Variants in CHST9 observed in about 807,000 individuals in gnomAD.
CHST9 encodes carbohydrate sulfotransferase 9, also known as GalNAc-4-sulfotransferase 2.
CHST9 carries 41 observed loss-of-function variants against 44.4 expected under a neutral mutation model. The ratio of observed to expected loss-of-function variants is 0.92; its 90% CI spans 0.72 to 1.20. The LOEUF (loss-of-function observed/expected upper bound fraction) is 1.20. CHST9 is among the 50% of genes most tolerant of loss of function. The pLI is 0.00. For synonymous variants in CHST9, 171 were observed against 178.4 expected, an observed-to-expected ratio of 0.96 and a Z score of 0.33; for missense variants, 504 against 516.5, an observed-to-expected ratio of 0.98 and a Z score of 0.23.
Position 26,909,772 on chromosome 18 carries a change from GAGGAGT to G in CHST9, c.*6481_*6486del. 1 of 152,526 alleles carries G rather than the reference GAGGAGT, an allele frequency of 6.6e-6. No homozygotes were observed. Among genetic ancestry groups the G allele is most frequent in the East Asian group, 1.9e-4 (1 of 5,188 alleles). 9.4% of individuals were successfully genotyped at this position (152,526 alleles called of 1,614,324 possible). ...AGTATAGAAGTGGGGGGAGGAGTAGGAGGAGTAGGAGGAGGAGGAGGAAGAGGAGGG... is the reference window on the plus strand; with the variant it reads ...AGTATAGAAGTGGGGGGAGGAGTAGGAGGAGGAGGAGGAGGAAGAGGAGGG... On this transcript the variant is annotated 3_prime_UTR_variant, in exon 6 of 6. Coordinates refer to ENST00000618847, the MANE Select transcript of CHST9 (RefSeq NM_031422.6).
intron 4 of CHST9, among the ~76,000 whole-genome samples, chr18:26,965,237 C>T (rs374443348): frequency 6.6e-5 from 10 of 152,106 alleles, no homozygotes; most frequent in African/African-American, 7.2e-5. Flanking sequence ...CTGCACTGTG[C>T]GGCCTGCAAT....
chr18:27,029,440 G>C (rs2057317731), intron 3 of CHST9, among the ~76,000 whole-genome samples: 1 of 152,052 alleles, frequency 6.6e-6, no homozygotes. Flanking sequence ...TGGTCCCATG[G>C]GGAACCAAGG....
intron 2 of CHST9, among the ~76,000 whole-genome samples, chr18:27,068,040 A>C (rs2057800119): frequency 6.6e-6 from 1 of 152,104 alleles, no homozygotes; most frequent in South Asian, 2.1e-4. Context: ...TTGCAAACCT[A>C]ACCATGCCCC....
At chr18:27,158,464 A>G (rs1479148132) in intron 1 of CHST9, among the ~76,000 whole-genome samples, 6 of 150,812 alleles carry the variant, frequency 4.0e-5, no homozygotes, top group Non-Finnish European at 8.9e-5. Context: ...ATAGTATTCC[A>G]TGGTGTATAT....
At chr18:27,088,861 C>G (rs1273539687) in intron 2 of CHST9, among the ~76,000 whole-genome samples, 3 of 152,148 alleles carry the variant, frequency 2.0e-5, no homozygotes, top group Admixed American at 6.5e-5. Flanking sequence ...TACCAGGGAC[C>G]TGGTTTAGAA....
intron 3 of CHST9, among the ~76,000 whole-genome samples, chr18:27,036,613 A>G (rs2057392755): frequency 1.3e-5 from 2 of 152,226 alleles, no homozygotes; most frequent in African/African-American, 4.8e-5. Context: ...AGCAACATCA[A>G]AACTTCCTAC....
intron 4 of CHST9, among the ~76,000 whole-genome samples, chr18:26,985,464 C>A (rs574899379): frequency 2.0e-5 from 3 of 152,280 alleles, no homozygotes; most frequent in African/African-American, 7.2e-5. Context: ...ACAAGCAAGG[C>A]AAGCCATGTG....
chr18:27,152,370 T>C (rs1261995204), intron 1 of CHST9, among the ~76,000 whole-genome samples: 2 of 151,946 alleles, frequency 1.3e-5, no homozygotes, highest in Admixed American at 6.6e-5. Flanking sequence ...GCAACAATAG[T>C]CTATCTTTAG....
chr18:27,062,153 T>G (rs918507108), intron 2 of CHST9, among the ~76,000 whole-genome samples: 1 of 152,154 alleles, frequency 6.6e-6, no homozygotes, highest in Non-Finnish European at 1.5e-5. Context: ...TACTGTTGTT[T>G]GGTCAATTCT....
At chr18:26,923,884 G>T (rs1362609504) in intron 5 of CHST9, among the ~76,000 whole-genome samples, 2 of 152,184 alleles carry the variant, frequency 1.3e-5, no homozygotes, top group South Asian at 2.1e-4. Context: ...CCTGAGATGA[G>T]CCTGGGAAGA....
At chr18:27,047,674 T>C (rs1405632588) in intron 3 of CHST9, among the ~76,000 whole-genome samples, 1 of 151,964 alleles carries the variant, frequency 6.6e-6, no homozygotes, top group Non-Finnish European at 1.5e-5. Context: ...AAGAAGCTAG[T>C]GGATGGGAGT....
intron 2 of CHST9, among the ~76,000 whole-genome samples, chr18:27,060,274 G>A (rs2057706115): frequency 6.6e-6 from 1 of 152,230 alleles, no homozygotes; most frequent in Admixed American, 6.5e-5. Flanking sequence ...GTGGGGGCTG[G>A]AAGTGGGCCT....
At chr18:26,995,437 CAAAAAA>C (rs11284514) in intron 4 of CHST9, among the ~76,000 whole-genome samples, 3 of 102,682 alleles carry the variant, frequency 2.9e-5, no homozygotes, top group Admixed American at 9.5e-5. Context: ...GACTCCGTCT[CAAAAAA>C]AAAAAAAAAA....
chr18:27,102,181 A>G (rs2058179508), intron 2 of CHST9, among the ~76,000 whole-genome samples: 1 of 152,234 alleles, frequency 6.6e-6, no homozygotes, highest in African/African-American at 2.4e-5. Flanking sequence ...GTTTTATTTG[A>G]AGAGATATGC....
rs775634448 is a variant in CHST9, at chr18:26,906,810, G to C, written c.*9449C>G. 2 of 152,246 alleles carry C rather than the reference G, an allele frequency of 1.3e-5. No individual in the cohort carries two copies. The highest frequency in any genetic ancestry group is 2.9e-5 in the Non-Finnish European group (2 of 68,090). The allele number at this position is 152,246 out of a possible 1,614,324, so 9.4% of individuals were successfully genotyped here. ...CTCCCTGAGCTTAGTTTAGGGATTA[G>C]GAAGTGTTGGGGAGGTGAAGGGGGG... On this transcript the variant is annotated 3_prime_UTR_variant, in exon 6 of 6. Transcript: ENST00000618847.
chr18:27,024,312 C>T (rs913374332), intron 3 of CHST9, among the ~76,000 whole-genome samples, 155 bp from the exon 4 acceptor site: 4 of 152,248 alleles, frequency 2.6e-5, no homozygotes, highest in Admixed American at 6.5e-5. Context: ...AATGTGTCAT[C>T]CCCTGTGTTT....
chr18:26,967,467 C>T (rs759307796), intron 4 of CHST9, among the ~76,000 whole-genome samples: 4 of 152,022 alleles, frequency 2.6e-5, no homozygotes, highest in Non-Finnish European at 5.9e-5. Context: ...TATAGATCTA[C>T]CTCATTGTTT....
At chr18:27,163,959 C>G (rs2058769689) in intron 1 of CHST9, among the ~76,000 whole-genome samples, 1 of 152,120 alleles carries the variant, frequency 6.6e-6, no homozygotes, top group African/African-American at 2.4e-5. Flanking sequence ...TTGGCTCCAC[C>G]CTTGTTTCAC....
intron 4 of CHST9, among the ~76,000 whole-genome samples, chr18:26,947,495 C>A (rs1411572677): frequency 6.6e-6 from 1 of 152,114 alleles, no homozygotes; most frequent in African/African-American, 2.4e-5. Flanking sequence ...AAAATGTTTG[C>A]AATCTATCCA....
Sources: allele counts gnomAD v4.1 joint callset (sites outside exome capture counted in the v4.1 genomes callset), GRCh38; gene constraint gnomAD v4.1.1; transcripts MANE v1.5; gene names NCBI Gene and HGNC (gene_info 2026-07-23, HGNC 2026-07-21).